The following GRIA1 variants were observed in gnomAD, a reference collection of about 807,000 sequenced individuals.
GRIA1 encodes glutamate ionotropic receptor AMPA type subunit 1.
A neutral mutation model predicts 99.2 loss-of-function variants in GRIA1; 31 were observed. The ratio of observed to expected loss-of-function variants is 0.31; its 90% confidence interval spans 0.23 to 0.42. The LOEUF is 0.42. Among genes scored for constraint, GRIA1 ranks in the 10% least tolerant of loss-of-function variants. The pLI is 1.00. For synonymous variants in GRIA1, 438 were observed against 432.4 expected (o/e 1.01, Z -0.16); for missense variants, 782 against 1,157.5 (o/e 0.68, Z 4.71).
At chr5:153,640,106 A>G (rs920570922) in intron 2 of GRIA1, among the ~76,000 whole-genome samples, 7 of 152,150 alleles carry the variant, frequency 4.6e-5, no homozygotes, top group African/African-American at 1.7e-4. Context: ...CCTTGGTTAC[A>G]TATGTCAGCC....
chr5:153,531,055 A>G (rs2113432041), intron 2 of GRIA1, among the ~76,000 whole-genome samples: 1 of 152,324 alleles, frequency 6.6e-6, no homozygotes, highest in Non-Finnish European at 1.5e-5. Flanking sequence ...AGGGACAGAG[A>G]GGGATGGTTG....
intron 12 of GRIA1, among the ~76,000 whole-genome samples, chr5:153,766,485 A>G (rs1425497554): frequency 6.6e-6 from 1 of 152,160 alleles, no homozygotes; most frequent in Non-Finnish European, 1.5e-5. Context: ...CTATGGTTTC[A>G]TTTTTGTTTC....
intron 13 of GRIA1, among the ~76,000 whole-genome samples, chr5:153,784,789 T>C (rs1189635942): frequency 6.6e-6 from 1 of 152,154 alleles, no homozygotes; most frequent in Non-Finnish European, 1.5e-5. Context: ...ACACAGCCAG[T>C]GATGTCATAG....
rs534319778 is a variant in GRIA1, at chr5:153,754,402, C to T, written c.1824-10032C>T. 8.5e-5 allele frequency among the ~76,000 whole-genome samples: 13 copies of T among 152,236 alleles called. No homozygotes were observed. In the South Asian group the frequency reaches 2.5e-3, roughly 29 times the overall value. ...AAGCAGCAAACTCTTTCTTTGGTAT[C>T]GTCATTCAGTAGGCGGGGATGTAGG... On this transcript the variant is annotated intron_variant, in intron 11 of 15. Transcript: ENST00000285900.
chr5:153,541,508 C>G (rs1759089380), intron 2 of GRIA1, among the ~76,000 whole-genome samples: 1 of 152,196 alleles, frequency 6.6e-6, no homozygotes, highest in Non-Finnish European at 1.5e-5. Context: ...ACTTGAACTA[C>G]AGCACAAAAC....
At chr5:153,802,594 G>C (rs1766125751) in intron 15 of GRIA1, 104 bp downstream of exon 15, 2 of 1,177,312 alleles carry the variant, frequency 1.7e-6, no homozygotes, top group East Asian at 2.3e-5. Context: ...AGGTGGTTGA[G>C]GTCAGCACAA....
intron 2 of GRIA1, among the ~76,000 whole-genome samples, chr5:153,577,803 A>G (rs1254299146): frequency 6.6e-6 from 1 of 152,182 alleles, no homozygotes; most frequent in Non-Finnish European, 1.5e-5. Flanking sequence ...CCTTAGTTCA[A>G]GTGGGGTAAG....
chr5:153,720,908 A>G (rs574832049), intron 11 of GRIA1, among the ~76,000 whole-genome samples: 2 of 152,338 alleles, frequency 1.3e-5, no homozygotes, highest in African/African-American at 4.8e-5. Context: ...CATTAGGAAG[A>G]TAAGACTAAC....
At chr5:153,544,406 T>C (rs534252331) in intron 2 of GRIA1, among the ~76,000 whole-genome samples, 1 of 152,342 alleles carries the variant, frequency 6.6e-6, no homozygotes, top group African/African-American at 2.4e-5. Context: ...TCTGTGCTCA[T>C]GGCATCACCC....
At chr5:153,656,523 C>A (rs1016841001) in intron 5 of GRIA1, among the ~76,000 whole-genome samples, 3 of 151,322 alleles carry the variant, frequency 2.0e-5, no homozygotes, top group African/African-American at 7.3e-5. Flanking sequence ...TACCTAGTAG[C>A]ACATACTATT....
chr5:153,490,688 T>A lies in GRIA1; in HGVS notation c.-201T>A, dbSNP rs1753832278. ...CGTGCTCAGTTAATCTGGCTGTCAG[T>A]TGGTGTTAACGCTGCAGTTTAAGTG... On this transcript the variant is annotated 5_prime_UTR_variant, in exon 1 of 16. It adds an upstream start codon to the 5' untranslated region. Coordinates refer to ENST00000285900, the MANE Select transcript of GRIA1 (RefSeq NM_000827.4). 1.6e-6 allele frequency: 1 copy of A among 636,634 alleles called. No individual in the cohort carries two copies. The highest frequency in any genetic ancestry group is 2.6e-5 in the Admixed American group (1 of 39,202). 39.4% of individuals were successfully genotyped at this position (636,634 alleles called of 1,614,324 possible). A position where few individuals can be genotyped will look rare whatever the true frequency, so the allele number is the denominator to read the frequency against.
chr5:153,642,506 C>T (rs1753842305), intron 2 of GRIA1, among the ~76,000 whole-genome samples: 1 of 151,984 alleles, frequency 6.6e-6, no homozygotes, highest in South Asian at 2.1e-4. Flanking sequence ...GTGGGAGGAT[C>T]GCTTGAGACC....
At chr5:153,686,755 CA>C (rs1456631312) in intron 8 of GRIA1, among the ~76,000 whole-genome samples, 1 of 152,070 alleles carries the variant, frequency 6.6e-6, no homozygotes, top group African/African-American at 2.4e-5. Context: ...ATTATTTATA[CA>C]AAAGTAAGGG....
At chr5:153,543,599 GAGA>G (rs1184097682) in intron 2 of GRIA1, among the ~76,000 whole-genome samples, 1 of 152,144 alleles carries the variant, frequency 6.6e-6, no homozygotes, top group Non-Finnish European at 1.5e-5. Flanking sequence ...AAGGAAGAAA[GAGA>G]AGGAGTGAGG....
At chr5:153,506,119 A>G (rs1267806024) in intron 2 of GRIA1, among the ~76,000 whole-genome samples, 1 of 152,122 alleles carries the variant, frequency 6.6e-6, no homozygotes, top group Non-Finnish European at 1.5e-5. Context: ...ACCACATCAC[A>G]TGTGCAAGTC....
chr5:153,761,080 A>G lies in GRIA1; in HGVS notation c.1824-3354A>G, dbSNP rs1357662673. Among the ~76,000 whole-genome samples the G allele has an allele frequency of 2.6e-5, 4 of 152,160 alleles. No individual in the cohort carries two copies. In the South Asian group the frequency reaches 6.2e-4, roughly 24 times the overall value. ...ATTCAAAACTATGAAAGTACAAGATAAAAACAGGGGAAACGTTTCATGATA... is the reference window on the plus strand; with the variant it reads ...ATTCAAAACTATGAAAGTACAAGATGAAAACAGGGGAAACGTTTCATGATA... On this transcript the variant is annotated intron_variant, in intron 11 of 15. Coordinates refer to ENST00000285900, the MANE Select transcript of GRIA1 (RefSeq NM_000827.4).
chr5:153,493,420 T>C (rs524610), intron 1 of GRIA1, among the ~76,000 whole-genome samples: 92,334 of 152,068 alleles, frequency 0.61, 29,277 homozygotes, highest in African/African-American at 0.77. Flanking sequence ...ACTGTCCATG[T>C]AAACAGTTAT....
intron 2 of GRIA1, among the ~76,000 whole-genome samples, chr5:153,603,967 A>G (rs1363725189): frequency 6.6e-6 from 1 of 152,196 alleles, no homozygotes; most frequent in Non-Finnish European, 1.5e-5. Flanking sequence ...ATATACATGT[A>G]TTTTACATAC....
At chr5:153,499,613 CAAAA>C (rs70976100) in intron 2 of GRIA1, among the ~76,000 whole-genome samples, 140 of 42,116 alleles carry the variant, frequency 3.3e-3, no homozygotes, top group African/African-American at 0.012. Context: ...GAATTTGTCT[CAAAA>C]AAAAAAAAAA....
Sources: allele counts gnomAD v4.1 joint callset (sites outside exome capture counted in the v4.1 genomes callset), GRCh38; gene constraint gnomAD v4.1.1; transcripts MANE v1.5; gene names NCBI Gene and HGNC (gene_info 2026-07-23, HGNC 2026-07-21).